Variants in SLC25A21 observed in about 807,000 individuals in gnomAD.
The protein encoded by SLC25A21 is mitochondrial 2-oxodicarboxylate carrier.
SLC25A21 carries 47 observed loss-of-function variants against 43.8 expected under a neutral mutation model. That is an observed-to-expected ratio of 1.07 (90% CI 0.85 to 1.37). The LOEUF (loss-of-function observed/expected upper bound fraction) is 1.37. Among genes scored for constraint, SLC25A21 ranks in the 40% most tolerant of loss-of-function variants. SLC25A21 has a pLI of 0.00. For missense variants in SLC25A21, 352 were observed against 350.2 expected (o/e 1.00, Z -0.04); for synonymous variants, 131 against 121.3 (o/e 1.08, Z -0.52).
intron 1 of SLC25A21, among the ~76,000 whole-genome samples, chr14:36,975,711 A>G (rs1275491646): frequency 1.3e-5 from 2 of 152,210 alleles, no homozygotes; most frequent in Non-Finnish European, 1.5e-5. Context: ...GCCAGTGTCT[A>G]CTTCCTGATG....
intron 1 of SLC25A21, among the ~76,000 whole-genome samples, chr14:36,914,533 T>G (rs924417867): frequency 1.3e-5 from 2 of 152,204 alleles, no homozygotes; most frequent in Non-Finnish European, 2.9e-5. Flanking sequence ...TTCATCTTGT[T>G]TGATCTTTGA....
intron 1 of SLC25A21, among the ~76,000 whole-genome samples, chr14:36,893,632 G>A (rs1484248947): frequency 6.6e-6 from 1 of 152,152 alleles, no homozygotes; most frequent in Non-Finnish European, 1.5e-5. Context: ...CCTATGTCCT[G>A]AATGGTAATG....
intron 1 of SLC25A21, among the ~76,000 whole-genome samples, chr14:37,113,452 A>C (rs944901627): frequency 6.6e-6 from 1 of 152,200 alleles, no homozygotes; most frequent in Admixed American, 6.5e-5. Context: ...ACATCGTGGG[A>C]GTAGATACTA....
At chr14:37,037,218 C>G (rs1266817306) in intron 1 of SLC25A21, among the ~76,000 whole-genome samples, 1 of 152,150 alleles carries the variant, frequency 6.6e-6, no homozygotes, top group Non-Finnish European at 1.5e-5. Flanking sequence ...TACTCTTTAG[C>G]CTGGCAAACA....
At chr14:36,754,735 G>A (rs1417060402) in intron 3 of SLC25A21, among the ~76,000 whole-genome samples, 6 of 150,144 alleles carry the variant, frequency 4.0e-5, no homozygotes, top group Admixed American at 6.6e-5. Flanking sequence ...GCCCAAAAGA[G>A]AAAAAAAAAG....
At chr14:37,006,014 A>C (rs1370996294) in intron 1 of SLC25A21, among the ~76,000 whole-genome samples, 1 of 152,168 alleles carries the variant, frequency 6.6e-6, no homozygotes, top group Non-Finnish European at 1.5e-5. Flanking sequence ...ACTTGCATTT[A>C]TGCCTAATAA....
intron 1 of SLC25A21, among the ~76,000 whole-genome samples, chr14:36,978,210 T>C (rs1263973988): frequency 6.6e-6 from 1 of 152,190 alleles, no homozygotes; most frequent in Non-Finnish European, 1.5e-5. Flanking sequence ...TGGATAATTC[T>C]TATCTATATA....
At position 37,044,035 on chromosome 14, in the gene SLC25A21, C is replaced by T. The variant is rs146160330; in HGVS notation, c.70+128246G>A. 2.4e-3 allele frequency among the ~76,000 whole-genome samples: 361 copies of T among 150,684 alleles called. 2 individuals carry two copies. Among genetic ancestry groups the T allele is most frequent in the East Asian group, 0.013 (66 of 5,088 alleles). ...CTAGCCTCAAATGATCCTCCCGCCT[C>T]GGCCTCTCAAAGTGCTGGGATTACA... On this transcript the variant is annotated intron_variant, in intron 1 of 9. Transcript: ENST00000331299.
chr14:37,064,499 T>C (rs1433929444), intron 1 of SLC25A21, among the ~76,000 whole-genome samples: 1 of 152,140 alleles, frequency 6.6e-6, no homozygotes, highest in Non-Finnish European at 1.5e-5. Flanking sequence ...CTACTCCAGT[T>C]GTGGAGTTGG....
At chr14:36,822,295 T>A (rs1266181076) in intron 2 of SLC25A21, among the ~76,000 whole-genome samples, 1 of 152,244 alleles carries the variant, frequency 6.6e-6, no homozygotes, top group Non-Finnish European at 1.5e-5. Context: ...GATCACTAAC[T>A]GAAGTTCAAA....
intron 1 of SLC25A21, among the ~76,000 whole-genome samples, chr14:36,970,728 C>G (rs1959731275): frequency 6.6e-6 from 1 of 152,090 alleles, no homozygotes; most frequent in Non-Finnish European, 1.5e-5. Flanking sequence ...ATAGGTCGAG[C>G]CATGTGAAAT....
chr14:36,695,207 G>T (rs889915511), intron 7 of SLC25A21, among the ~76,000 whole-genome samples: 1 of 152,186 alleles, frequency 6.6e-6, no homozygotes, highest in Non-Finnish European at 1.5e-5. Context: ...GTTTGTCAAA[G>T]ATCAGATGGT....
chr14:36,706,441 A>G (rs1883568440), intron 7 of SLC25A21, among the ~76,000 whole-genome samples: 1 of 152,202 alleles, frequency 6.6e-6, no homozygotes, highest in Non-Finnish European at 1.5e-5. Flanking sequence ...TCATTGAGGT[A>G]GACCGATGAC....
chr14:36,876,896 T>TATAG (rs71449955), intron 1 of SLC25A21, among the ~76,000 whole-genome samples: 25,344 of 138,198 alleles, frequency 0.18, 2,308 homozygotes, highest in East Asian at 0.3. Context: ...ATGATGGGAT[T>TATAG]ATAGATAGAT....
At chr14:36,697,541 G>A (rs1183416418) in intron 7 of SLC25A21, among the ~76,000 whole-genome samples, 1 of 152,150 alleles carries the variant, frequency 6.6e-6, no homozygotes, top group Non-Finnish European at 1.5e-5. Flanking sequence ...TTTTGTGGGA[G>A]TCTAAGTCTC....
rs757292423 is a variant in SLC25A21, at chr14:36,684,735, T to C, written c.785+9A>G. ...ATACATTTATTAAAATAAGAATGTG[T>C]TATGTTACCCTTCTTCCTGATAGAC... On this transcript the variant is annotated intron_variant, in intron 8 of 9. Transcript: ENST00000331299. 62 of 1,594,230 alleles carry C rather than the reference T, an allele frequency of 3.9e-5. No individual in the cohort carries two copies. The highest frequency in any genetic ancestry group is 8.8e-5 in the Admixed American group (5 of 56,740).
At chr14:36,926,072 A>C (rs1393247642) in intron 1 of SLC25A21, among the ~76,000 whole-genome samples, 1 of 152,176 alleles carries the variant, frequency 6.6e-6, no homozygotes, top group Non-Finnish European at 1.5e-5. Context: ...TCAAGTCTGT[A>C]CATGAAACAT....
At chr14:36,700,783 CAAAG>C (rs2139169584) in intron 7 of SLC25A21, among the ~76,000 whole-genome samples, 1 of 152,222 alleles carries the variant, frequency 6.6e-6, no homozygotes, top group African/African-American at 2.4e-5. Flanking sequence ...ACATAATAAA[CAAAG>C]AACCAAGGTT....
At position 37,077,186 on chromosome 14, in the gene SLC25A21, TAAAC is replaced by T. The variant is rs531176961; in HGVS notation, c.70+95091_70+95094del. On this transcript the variant is annotated intron_variant, in intron 1 of 9. Transcript: ENST00000331299. ...CTGAGATATCATTTAGTCTATAACT[TAAAC>T]AAGCATTGATAAAGTTTTTTACAGA... Among the ~76,000 whole-genome samples the T allele has an allele frequency of 2.6e-4, 39 of 152,332 alleles. No individual in the cohort carries two copies. In the East Asian group the frequency reaches 2.9e-3, roughly 11 times the overall value.
Sources: gnomAD v4.1 joint callset for allele counts (sites outside exome capture counted in the v4.1 genomes callset) on GRCh38, gnomAD v4.1.1 for gene constraint, MANE v1.5 for transcripts, NCBI Gene and HGNC (gene_info 2026-07-23, HGNC 2026-07-21) for gene names.